ZNF787: variants seen among roughly 807,000 people sequenced by gnomAD.
ZNF787 encodes the protein TTF-I-interacting peptide 20.
In ZNF787, 7 loss-of-function variants were observed where a neutral mutation model predicts 16.9. That is an observed-to-expected ratio of 0.42 (90% CI 0.24 to 0.78). The LOEUF (loss-of-function observed/expected upper bound fraction) is 0.78. Among genes scored for constraint, ZNF787 ranks in the 30% least tolerant of loss-of-function variants. The pLI is 0.30. For missense variants in ZNF787, 551 were observed against 589.3 expected, an observed-to-expected ratio of 0.94 and a Z score of 0.67; for synonymous variants, 345 against 270.9, an observed-to-expected ratio of 1.27 and a Z score of -2.69.
chr19:56,092,046 G>C (rs894834805), intron 2 of ZNF787, among the ~76,000 whole-genome samples: 3,112 of 133,788 alleles, frequency 0.023, 94 homozygotes, highest in African/African-American at 0.083. Context: ...CGAAGCCGAA[G>C]CCTCACCCTC....
chr19:56,100,086 GC>G (rs1986034820), intron 2 of ZNF787, among the ~76,000 whole-genome samples: 1 of 152,168 alleles, frequency 6.6e-6, no homozygotes, highest in African/African-American at 2.4e-5. Flanking sequence ...TATTCCCAGA[GC>G]AGGTGCCGGG....
intron 2 of ZNF787, among the ~76,000 whole-genome samples, chr19:56,089,697 G>A (rs1368020396): frequency 6.6e-6 from 1 of 152,194 alleles, no homozygotes; most frequent in African/African-American, 2.4e-5. Flanking sequence ...AGTAAAACCT[G>A]GCTCAACGCC....
intron 2 of ZNF787, among the ~76,000 whole-genome samples, chr19:56,093,509 G>T (rs565940616): frequency 1.2e-4 from 19 of 152,274 alleles, no homozygotes; most frequent in African/African-American, 4.6e-4. Flanking sequence ...CCCTCCGTCA[G>T]GTGCAGGTCT....
chr19:56,115,419 C>T (rs923986009), intron 1 of ZNF787, among the ~76,000 whole-genome samples: 50 of 138,800 alleles, frequency 3.6e-4, no homozygotes, highest in Admixed American at 3.1e-3. Flanking sequence ...AGTGCAGTGG[C>T]GCGATCTCGG....
chr19:56,096,922 G>C (rs529966230), intron 2 of ZNF787, among the ~76,000 whole-genome samples: 7 of 152,092 alleles, frequency 4.6e-5, no homozygotes, highest in Admixed American at 1.3e-4. Flanking sequence ...CTGAGCTGTC[G>C]CTGCCCGGTC....
chr19:56,116,818 G>A (rs929410877), intron 1 of ZNF787, among the ~76,000 whole-genome samples: 5 of 152,102 alleles, frequency 3.3e-5, no homozygotes, highest in African/African-American at 1.2e-4. Flanking sequence ...AGCATCAACA[G>A]CACCTCCCCC....
At chr19:56,104,848 G>A (rs1351432944) in intron 1 of ZNF787, among the ~76,000 whole-genome samples, 1 of 152,266 alleles carries the variant, frequency 6.6e-6, no homozygotes, top group African/African-American at 2.4e-5. Context: ...AGGCTCCCTG[G>A]CTGGATGCGG....
Position 56,088,686 on chromosome 19 carries a change from G to C in ZNF787, c.486C>G (p.Ser162Arg), listed in dbSNP as rs1985449429. ...AGCGCCGGTGCTTGGCCAGGCTCTT[G>C]CTCTGAGTGAAGCTGCGGCCGCAGT... The part of the protein sequence containing the change: ...CPDCGRSFTQ[S>R]KSLAKHRRSH... Residue 162 changes from serine to arginine, a missense_variant, in exon 3 of 3, where the codon AGC becomes AGG. Transcript: ENST00000610935. This position sits in a 1 kb window ranked among gnomAD's most constrained non-coding sequence, Gnocchi z 8.6. 2 of 1,596,318 alleles carry C rather than the reference G, an allele frequency of 1.3e-6. No homozygotes were observed. The highest frequency in any genetic ancestry group is 1.7e-6 in the Non-Finnish European group (2 of 1,174,038).
chr19:56,111,744 C>A (rs2029986400), intron 1 of ZNF787, among the ~76,000 whole-genome samples: 3 of 152,094 alleles, frequency 2.0e-5, no homozygotes, highest in African/African-American at 7.2e-5. Context: ...CGACACCTAC[C>A]AGGGAGATGT....
At chr19:56,099,471 G>A (rs1986005456) in intron 2 of ZNF787, among the ~76,000 whole-genome samples, 2 of 152,214 alleles carry the variant, frequency 1.3e-5, no homozygotes. Context: ...CCAACACTGG[G>A]AGGCCGAGGC....
intron 1 of ZNF787, among the ~76,000 whole-genome samples, chr19:56,113,578 C>T (rs991530166): frequency 2.0e-5 from 3 of 152,144 alleles, no homozygotes; most frequent in Non-Finnish European, 2.9e-5. Flanking sequence ...GAACACGGCA[C>T]GCTTGGTAAA....
At chr19:56,104,791 G>C (rs1433334550) in intron 1 of ZNF787, among the ~76,000 whole-genome samples, 3 of 152,236 alleles carry the variant, frequency 2.0e-5, no homozygotes, top group Non-Finnish European at 4.4e-5. Context: ...CCTTTGCCAC[G>C]CGCCCGAGTT....
Position 56,087,813 on chromosome 19 carries a change from G to T in ZNF787, c.*210C>A. 2 of 761,396 alleles carry T rather than the reference G, an allele frequency of 2.6e-6. No homozygotes were observed. The highest frequency in any genetic ancestry group is 3.5e-6 in the Non-Finnish European group (2 of 564,674). 47.2% of individuals were successfully genotyped at this position (761,396 alleles called of 1,614,324 possible). ...TAGGAAGGGCGGGCCAGGCTGAGGG[G>T]GCAGAGTCTCGAGGCGGAGAAGTGA... On this transcript the variant is annotated 3_prime_UTR_variant, in exon 3 of 3. Transcript: ENST00000610935.
intron 1 of ZNF787, among the ~76,000 whole-genome samples, chr19:56,116,169 C>T (rs1165805862): frequency 2.0e-5 from 3 of 152,028 alleles, no homozygotes; most frequent in Non-Finnish European, 2.9e-5. Flanking sequence ...TGGCTGGGCG[C>T]GGTGGCTCAC....
chr19:56,118,777 G>A (rs557602265), intron 1 of ZNF787, among the ~76,000 whole-genome samples: 66 of 152,284 alleles, frequency 4.3e-4, no homozygotes, highest in African/African-American at 1.3e-3. Context: ...GTTTGGAAAG[G>A]CCTGTGAAAC....
intron 1 of ZNF787, among the ~76,000 whole-genome samples, chr19:56,115,611 G>A (rs2030111266): frequency 6.6e-6 from 1 of 152,014 alleles, no homozygotes; most frequent in South Asian, 2.1e-4. Flanking sequence ...CTTCACACCT[G>A]GACTCGCGCA....
At chr19:56,106,479 G>A (rs1421558076) in intron 1 of ZNF787, among the ~76,000 whole-genome samples, 2 of 152,244 alleles carry the variant, frequency 1.3e-5, no homozygotes, top group African/African-American at 2.4e-5. Context: ...GCCCGCCCGC[G>A]AGTCTTCAAT....
chr19:56,110,519 TA>T (rs33942141), intron 1 of ZNF787, among the ~76,000 whole-genome samples: 119,687 of 147,696 alleles, frequency 0.81, 48,758 homozygotes, highest in Middle Eastern at 0.89. Context: ...TAGGAAAGGT[TA>T]AAAAAAAAAA....
intron 2 of ZNF787, chr19:56,102,670 C>T (rs770162201): frequency 1.5e-4 from 85 of 549,858 alleles, no homozygotes; most frequent in Non-Finnish European, 2.6e-4. Context: ...TCCCTGCACT[C>T]CTGAGCTTTC....
Sources: gnomAD v4.1 joint callset for allele counts (sites outside exome capture counted in the v4.1 genomes callset) on GRCh38, gnomAD v4.1.1 for gene constraint, Gnocchi (gnomAD v3.1) non-coding constraint, MANE v1.5 for transcripts, NCBI Gene and HGNC (gene_info 2026-07-23, HGNC 2026-07-21) for gene names.